Variants in CAST observed in about 807,000 individuals in gnomAD.
CAST encodes the protein MIR583 host.
In CAST, 76 loss-of-function variants were observed where a neutral mutation model predicts 119.6. That is an observed-to-expected ratio of 0.64 (90% CI 0.53 to 0.77). CAST has a LOEUF of 0.77. Among genes scored for constraint, CAST ranks in the 30% least tolerant of loss-of-function variants. CAST has a pLI of 0.00. For missense variants in CAST, 953 were observed against 946.5 expected, an observed-to-expected ratio of 1.01 and a Z score of -0.09; for synonymous variants, 319 against 331.6, an observed-to-expected ratio of 0.96 and a Z score of 0.41.
intron 1 of CAST, among the ~76,000 whole-genome samples, chr5:96,535,077 T>C (rs576050701): frequency 1.3e-3 from 195 of 152,284 alleles, no homozygotes; most frequent in Non-Finnish European, 2.3e-3. Flanking sequence ...TAGGCCTAAT[T>C]ACTCTTACAG....
intron 24 of CAST, among the ~76,000 whole-genome samples, chr5:96,759,898 AC>A (rs1385940601): frequency 1.7e-4 from 26 of 152,032 alleles, no homozygotes; most frequent in African/African-American, 6.0e-4. Flanking sequence ...AATAATCAGT[AC>A]AGAGCACAAA....
At chr5:96,211,058 G>T in the CAST span, among the ~76,000 whole-genome samples, 1 of 151,872 alleles carries the variant, frequency 6.6e-6, no homozygotes, top group Admixed American at 6.6e-5. Context: ...ATTTTTAGGA[G>T]ATTTCTTGTA....
chr5:96,741,163 C>T (rs768309088), intron 13 of CAST, 103 bp from the exon 14 acceptor site: 19 of 689,360 alleles, frequency 2.8e-5, no homozygotes, highest in Non-Finnish European at 4.4e-5. Flanking sequence ...CATTTGGTAG[C>T]AAGGGAATTG....
the CAST span, chr5:96,412,465 C>A: frequency 1.2e-6 from 2 of 1,614,010 alleles, no homozygotes; most frequent in Non-Finnish European, 1.7e-6. Flanking sequence ...TAGCATCCGT[C>A]ACAATGCCAT....
the CAST span, among the ~76,000 whole-genome samples, chr5:96,271,146 G>A: frequency 1.3e-5 from 2 of 152,016 alleles, no homozygotes; most frequent in Admixed American, 1.3e-4. Context: ...ACACAAAAAA[G>A]GAAAGATATT....
chr5:96,311,967 G>A, the CAST span, among the ~76,000 whole-genome samples: 2 of 151,808 alleles, frequency 1.3e-5, no homozygotes, highest in Non-Finnish European at 2.9e-5. Context: ...ATTGTTTTCT[G>A]GTTGTTTTGT....
the CAST span, among the ~76,000 whole-genome samples, chr5:96,008,591 A>G: frequency 1.3e-5 from 2 of 152,120 alleles, no homozygotes; most frequent in African/African-American, 2.4e-5. Context: ...TACCTCATCC[A>G]TGGTTTCAGG....
chr5:96,481,332 C>T, the CAST span, among the ~76,000 whole-genome samples: 9 of 152,052 alleles, frequency 5.9e-5, no homozygotes, highest in Admixed American at 2.0e-4. Flanking sequence ...TCTTTTAGAT[C>T]CTTTAAACAC....
chr5:96,621,349 G>C (rs1313390165), intron 1 of CAST, among the ~76,000 whole-genome samples: 1 of 152,162 alleles, frequency 6.6e-6, no homozygotes, highest in Non-Finnish European at 1.5e-5. Flanking sequence ...TCACATATAA[G>C]GGCAGGTATA....
chr5:96,049,809 A>G, the CAST span, among the ~76,000 whole-genome samples: 1 of 148,836 alleles, frequency 6.7e-6, no homozygotes, highest in Non-Finnish European at 1.5e-5. Flanking sequence ...TTTTCTAAGG[A>G]AAATGTGCTC....
At chr5:96,747,203 A>T in intron 17 of CAST, 142 bp from the exon 18 acceptor site, 2 of 629,452 alleles carry the variant, frequency 3.2e-6, no homozygotes, top group Non-Finnish European at 5.8e-6. Flanking sequence ...TATAAAAAGT[A>T]AATCTGAAAC....
chr5:96,510,783 C>G, the CAST span, among the ~76,000 whole-genome samples: 1 of 151,894 alleles, frequency 6.6e-6, no homozygotes, highest in Non-Finnish European at 1.5e-5. Flanking sequence ...GACGTTTGTA[C>G]GAATAAAATG....
At chr5:96,348,546 T>A in the CAST span, among the ~76,000 whole-genome samples, 5 of 151,970 alleles carry the variant, frequency 3.3e-5, no homozygotes, top group African/African-American at 1.2e-4. Context: ...AAAATGATAG[T>A]TTTGGGATTT....
chr5:96,067,365 T>G, the CAST span, among the ~76,000 whole-genome samples: 2 of 152,322 alleles, frequency 1.3e-5, no homozygotes, highest in African/African-American at 4.8e-5. Flanking sequence ...GCAATGTGGA[T>G]ATGGCTCATT....
At chr5:96,621,572 A>G (rs116194544) in intron 1 of CAST, among the ~76,000 whole-genome samples, 1 of 152,128 alleles carries the variant, frequency 6.6e-6, no homozygotes, top group Non-Finnish European at 1.5e-5. Context: ...AAACCATCAG[A>G]TTTTATGAGA....
chr5:96,088,663 A>C, the CAST span, among the ~76,000 whole-genome samples: 1 of 152,032 alleles, frequency 6.6e-6, no homozygotes, highest in Admixed American at 6.5e-5. Context: ...AGGATGTTTC[A>C]TTTTTCTAGA....
the CAST span, among the ~76,000 whole-genome samples, chr5:96,477,866 C>G: frequency 6.6e-6 from 1 of 152,098 alleles, no homozygotes; most frequent in Admixed American, 6.5e-5. Flanking sequence ...ATCAAGCAAA[C>G]CTTGGTAAGA....
the CAST span, chr5:96,399,061 T>G: frequency 6.4e-7 from 1 of 1,561,396 alleles, no homozygotes; most frequent in East Asian, 2.3e-5. Context: ...GAATCAGCAT[T>G]GAATAAAGTA....
At chr5:96,511,675 C>T in the CAST span, among the ~76,000 whole-genome samples, 4 of 152,212 alleles carry the variant, frequency 2.6e-5, no homozygotes, top group African/African-American at 7.2e-5. Context: ...CCTTTCTTAG[C>T]CAATTTTACT....
Sources: allele counts gnomAD v4.1 joint callset (sites outside exome capture counted in the v4.1 genomes callset), GRCh38; gene constraint gnomAD v4.1.1; transcripts MANE v1.5; gene names NCBI Gene and HGNC (gene_info 2026-07-23, HGNC 2026-07-21).